ECE1: variants seen among roughly 807,000 people sequenced by gnomAD.
The protein encoded by ECE1 is endothelin converting enzyme 1, also known as endothelin-converting enzyme 1.
In ECE1, 35 loss-of-function variants were observed where a neutral mutation model predicts 98.6. The ratio of observed to expected loss-of-function variants is 0.35; its 90% confidence interval spans 0.27 to 0.47. ECE1 has a LOEUF of 0.47. ECE1 is among the 20% of genes least tolerant of loss of function. The pLI is 1.00. For synonymous variants in ECE1, 394 were observed against 407.1 expected (o/e 0.97, Z 0.39); for missense variants, 814 against 1,025.3 (o/e 0.79, Z 2.81).
At position 21,238,825 on chromosome 1, in the gene ECE1, T is replaced by C. The variant is rs547855078; in HGVS notation, c.1279-581A>G. ...CCGCAGGACTTTTTTCTTTTTTTCT[T>C]TTTTTTTGGCAGGGTCTCGCTCTGT... is the stretch of plus-strand genomic sequence containing the variant. On this transcript the variant is annotated intron_variant, in intron 10 of 18. Coordinates refer to ENST00000374893, the MANE Select transcript of ECE1 (RefSeq NM_001397.3). Among the ~76,000 whole-genome samples the C allele has an allele frequency of 2.2e-4, 33 of 151,908 alleles. 2 individuals carry two copies. The South Asian group carries it at 5.2e-3, about 24-fold the overall frequency.
intron 4 of ECE1, among the ~76,000 whole-genome samples, chr1:21,268,803 C>A (rs1220522976): frequency 6.6e-6 from 1 of 152,206 alleles, no homozygotes; most frequent in African/African-American, 2.4e-5. Flanking sequence ...AATGCACTGG[C>A]CCACACTCCT....
At position 21,272,902 on chromosome 1, in the gene ECE1, GA is replaced by G; in HGVS notation, c.289del (p.Ser97LeufsTer4). 6.2e-7 allele frequency: 1 copy of G among 1,614,174 alleles called. No homozygotes were observed. Among genetic ancestry groups the G allele is most frequent in the African/African-American group, 1.3e-5 (1 of 75,068 alleles). ...LGIQYQTRSP[S>X]VCLSEACVSV... is the part of the protein sequence containing the mutation. ...GACACAAGCTTCGCTCAGGCACACA[GA>G]GGGGGATCCTGGAAGGGTTAAGGAC... On this transcript the variant is annotated frameshift_variant, in exon 4 of 19. Transcript: ENST00000374893. LOFTEE classifies it high-confidence loss of function.
At position 21,319,620 on chromosome 1, in the gene ECE1, G is replaced by A. The variant is rs1402736980; in HGVS notation, c.3+25756C>T. On this transcript the variant is annotated intron_variant, in intron 1 of 18. Coordinates refer to the ECE1 transcript ENST00000415912. The surrounding 1 kb of genome is among the most constrained non-coding windows in gnomAD (Gnocchi z 4.4). ...AGCCAGCAGCTGTGCCCTCCCCTCT[G>A]TGAACTGGGCAGGAAAGCCAGGCTC... 6.6e-6 allele frequency among the ~76,000 whole-genome samples: 1 copy of A among 152,074 alleles called. No homozygotes were observed.
chr1:21,272,869 G>A lies in ECE1; in HGVS notation c.323C>T (p.Thr108Ile). The A allele has an allele frequency of 6.2e-7, 1 of 1,614,246 alleles. No individual in the cohort carries two copies. The highest frequency in any genetic ancestry group is 8.5e-7 in the Non-Finnish European group (1 of 1,180,040). Residue 108 changes from threonine to isoleucine, a missense_variant, in exon 4 of 19, where the codon ACC becomes ATC. Physicochemically the swap from Thr to Ile is moderately conservative, Grantham distance 89. Around this residue, in one of 3 missense-constraint regions of ECE1, gnomAD observed 257 missense variants for 278.9 expected, o/e 0.92. Coordinates refer to ENST00000374893, the MANE Select transcript of ECE1 (RefSeq NM_001397.3). ...VCLSEACVSV[T>I]SSILSSMDPT... is the part of the protein sequence containing the mutation. ...GTCCATGGAGCTCAAGATGGAGCTG[G>A]TCACTGAGACACAAGCTTCGCTCAG...
intron 8 of ECE1, among the ~76,000 whole-genome samples, chr1:21,253,345 C>A (rs1394285803): frequency 6.6e-6 from 1 of 152,006 alleles, no homozygotes; most frequent in Non-Finnish European, 1.5e-5. Context: ...GCCTGAGCCA[C>A]CATGCCCGGC....
At chr1:21,300,997 C>T (rs1638470985) in intron 1 of ECE1, among the ~76,000 whole-genome samples, 1 of 152,066 alleles carries the variant, frequency 6.6e-6, no homozygotes, top group Non-Finnish European at 1.5e-5. Context: ...CTCCCTAGCA[C>T]TCATGTCCAG....
At chr1:21,309,517 A>T (rs1638670139) in intron 1 of ECE1, among the ~76,000 whole-genome samples, 1 of 152,174 alleles carries the variant, frequency 6.6e-6, no homozygotes, top group South Asian at 2.1e-4. Flanking sequence ...GGAATGAGTC[A>T]ATGCGTCGGA....
At chr1:21,263,327 G>A (rs3026872) in intron 4 of ECE1, among the ~76,000 whole-genome samples, 1,877 of 151,998 alleles carry the variant, frequency 0.012, 44 homozygotes, top group African/African-American at 0.043. Flanking sequence ...TGATGAGGCC[G>A]GATGCCCACC....
intron 1 of ECE1, among the ~76,000 whole-genome samples, chr1:21,337,709 G>A (rs1254246562): frequency 1.3e-5 from 2 of 152,172 alleles, no homozygotes; most frequent in South Asian, 2.1e-4. Flanking sequence ...CTGATTGAGC[G>A]TTTCTAACTA....
chr1:21,249,615 G>A (rs990810362), intron 8 of ECE1, among the ~76,000 whole-genome samples: 53 of 152,070 alleles, frequency 3.5e-4, no homozygotes, highest in African/African-American at 1.2e-3. Context: ...CTGGGAGGTC[G>A]AGGCTGCAGT....
At chr1:21,252,397 G>A (rs911603454) in intron 8 of ECE1, among the ~76,000 whole-genome samples, 1 of 152,240 alleles carries the variant, frequency 6.6e-6, no homozygotes, top group Admixed American at 6.5e-5. Context: ...GGGCACACCA[G>A]TGAGCTCCAT....
At chr1:21,302,257 C>A (rs1638501698) in intron 1 of ECE1, among the ~76,000 whole-genome samples, 1 of 152,208 alleles carries the variant, frequency 6.6e-6, no homozygotes, top group Admixed American at 6.5e-5. Flanking sequence ...TGCCACCTCC[C>A]CCTCTTCTGG....
chr1:21,323,819 C>CTTT (rs34050500), intron 1 of ECE1, among the ~76,000 whole-genome samples: 4 of 133,888 alleles, frequency 3.0e-5, no homozygotes, highest in African/African-American at 5.5e-5. Flanking sequence ...AATTTTCTTT[C>CTTT]TTTTTTTTTT....
At chr1:21,303,711 C>T (rs1442660166) in intron 1 of ECE1, among the ~76,000 whole-genome samples, 1 of 152,122 alleles carries the variant, frequency 6.6e-6, no homozygotes, top group African/African-American at 2.4e-5. Context: ...TACAGGGGCA[C>T]CATCTCAGCT....
At chr1:21,299,726 C>T (rs1046202319) in intron 1 of ECE1, 1 of 152,248 alleles carries the variant, frequency 6.6e-6, no homozygotes, top group Admixed American at 6.5e-5. Flanking sequence ...GAGATGACAA[C>T]AGTGTCTCCC....
intron 1 of ECE1, among the ~76,000 whole-genome samples, chr1:21,309,854 C>CGAT (rs1638679748): frequency 6.7e-6 from 1 of 148,376 alleles, no homozygotes. Flanking sequence ...TGTAGTGGCG[C>CGAT]GATCTCGGCT....
chr1:21,244,000 C>T (rs61779139), intron 10 of ECE1, among the ~76,000 whole-genome samples: 106 of 152,240 alleles, frequency 7.0e-4, no homozygotes, highest in Non-Finnish European at 1.2e-3. Context: ...TTCCAGGGCT[C>T]GAAGCAGGAG....
intron 4 of ECE1, among the ~76,000 whole-genome samples, chr1:21,264,831 C>T (rs528714416): frequency 4.6e-5 from 7 of 152,206 alleles, no homozygotes; most frequent in South Asian, 2.1e-4. Context: ...CCCTGGGTGA[C>T]GGGGTCTGCG....
intron 10 of ECE1, among the ~76,000 whole-genome samples, chr1:21,240,925 G>A (rs910547171): frequency 6.6e-6 from 1 of 152,234 alleles, no homozygotes; most frequent in African/African-American, 2.4e-5. Flanking sequence ...CGCATCCAGC[G>A]TTCTGTGAGC....
Sources: gnomAD v4.1 joint callset for allele counts (sites outside exome capture counted in the v4.1 genomes callset) on GRCh38, gnomAD v4.1.1 for gene constraint, gnomAD v4.1.1 regional missense constraint, Gnocchi (gnomAD v3.1) non-coding constraint, MANE v1.5 for transcripts, NCBI Gene and HGNC (gene_info 2026-07-23, HGNC 2026-07-21) for gene names.